BCKDHB: variants seen among roughly 807,000 people sequenced by gnomAD.
BCKDHB encodes the protein branched chain keto acid dehydrogenase E1 subunit beta, also known as 2-oxoisovalerate dehydrogenase subunit beta, mitochondrial.
In BCKDHB, 41 loss-of-function variants were observed where a neutral mutation model predicts 48.5. That is an observed-to-expected ratio of 0.85 (90% CI 0.66 to 1.10). The LOEUF (loss-of-function observed/expected upper bound fraction) is 1.10, where lower values mean the gene tolerates loss of function less well. Ranked by LOEUF, BCKDHB falls within the 50% of genes least tolerant of loss-of-function variation. The pLI, the probability that BCKDHB is intolerant of heterozygous loss-of-function variation, is 0.00. For synonymous variants in BCKDHB, 201 were observed against 174.8 expected (o/e 1.15, Z -1.18); for missense variants, 496 against 494.2 (o/e 1.00, Z -0.03).
At position 80,337,659 on chromosome 6, in the gene BCKDHB, A is replaced by G. The variant is rs73465593; in HGVS notation, c.1039-6005A>G. Among the ~76,000 whole-genome samples the G allele has an allele frequency of 7.8e-3, 1,193 of 152,044 alleles. 10 individuals are homozygous for G. The highest frequency in any genetic ancestry group is 0.028 in the African/African-American group (1,146 of 41,522). ...TAATTTAGTCCTGTCCAAATAAAAT[A>G]TATTCTCATAGTTAAGTGTGTTGTG... On this transcript the variant is annotated intron_variant, in intron 9 of 9. Coordinates refer to ENST00000320393, the MANE Select transcript of BCKDHB (RefSeq NM_183050.4).
intron 9 of BCKDHB, among the ~76,000 whole-genome samples, chr6:80,327,831 A>G (rs568922592): frequency 6.6e-6 from 1 of 151,830 alleles, no homozygotes; most frequent in African/African-American, 2.4e-5. Context: ...GTGTTTAATG[A>G]TTTCATAAGG....
the BCKDHB span, among the ~76,000 whole-genome samples, chr6:80,357,749 C>CT: frequency 6.6e-6 from 1 of 152,182 alleles, no homozygotes; most frequent in Non-Finnish European, 1.5e-5. Flanking sequence ...ATACACTGTA[C>CT]TTTATTTGCA....
chr6:80,154,730 A>G (rs1342212973), intron 3 of BCKDHB, among the ~76,000 whole-genome samples: 3 of 152,310 alleles, frequency 2.0e-5, no homozygotes, highest in African/African-American at 7.2e-5. Context: ...CTTCAAGAGC[A>G]TTTTAATTTT....
At chr6:80,169,060 T>A in intron 5 of BCKDHB, 30 bp downstream of exon 5, 1 of 1,607,216 alleles carries the variant, frequency 6.2e-7, no homozygotes, top group Non-Finnish European at 8.5e-7. Flanking sequence ...TTATTTGATT[T>A]CTATTTGATG....
intron 8 of BCKDHB, among the ~76,000 whole-genome samples, chr6:80,238,935 CT>C (rs1232267191): frequency 1.3e-5 from 2 of 152,118 alleles, no homozygotes; most frequent in African/African-American, 2.4e-5. Flanking sequence ...TGAACTCATC[CT>C]TTTTTATGGC....
At chr6:80,194,399 A>G (rs1774041633) in intron 6 of BCKDHB, among the ~76,000 whole-genome samples, 1 of 152,220 alleles carries the variant, frequency 6.6e-6, no homozygotes, top group South Asian at 2.1e-4. Flanking sequence ...ATACAATACT[A>G]TTAACTGCTC....
the BCKDHB span, among the ~76,000 whole-genome samples, chr6:80,352,557 C>T: frequency 1.3e-5 from 2 of 152,134 alleles, no homozygotes; most frequent in Non-Finnish European, 2.9e-5. Flanking sequence ...AGTTAGGTTT[C>T]TATTGCTTGC....
At chr6:80,409,631 T>TATATAA in the BCKDHB span, among the ~76,000 whole-genome samples, 6 of 111,430 alleles carry the variant, frequency 5.4e-5, no homozygotes, top group Admixed American at 1.0e-4. Flanking sequence ...TATATATATA[T>TATATAA]GATAGTTAGT....
intron 8 of BCKDHB, among the ~76,000 whole-genome samples, chr6:80,213,897 T>C (rs1183979460): frequency 6.6e-6 from 1 of 152,122 alleles, no homozygotes; most frequent in East Asian, 1.9e-4. Flanking sequence ...TAGTCTATCA[T>C]AGGAGCAGGA....
intron 1 of BCKDHB, among the ~76,000 whole-genome samples, chr6:80,122,923 A>G (rs1183357490): frequency 1.3e-5 from 2 of 151,852 alleles, no homozygotes; most frequent in African/African-American, 4.8e-5. Flanking sequence ...TCTCAACCAC[A>G]TAAGACAGAC....
At chr6:80,174,846 G>A (rs1209836210) in intron 6 of BCKDHB, among the ~76,000 whole-genome samples, 3 of 152,252 alleles carry the variant, frequency 2.0e-5, no homozygotes, top group East Asian at 1.9e-4. Context: ...AGTGTGAGGT[G>A]CAAACTTTGG....
chr6:80,201,437 C>T (rs534865393), intron 7 of BCKDHB, among the ~76,000 whole-genome samples: 22 of 152,196 alleles, frequency 1.4e-4, no homozygotes, highest in African/African-American at 5.1e-4. Flanking sequence ...GTACGGATTT[C>T]TGAGTGAAGG....
intron 9 of BCKDHB, among the ~76,000 whole-genome samples, chr6:80,329,711 G>C (rs1355687287): frequency 6.6e-6 from 1 of 152,078 alleles, no homozygotes; most frequent in African/African-American, 2.4e-5. Flanking sequence ...TGTACTTGCT[G>C]TGTGACCTGG....
intron 8 of BCKDHB, among the ~76,000 whole-genome samples, chr6:80,267,058 G>A (rs1407089791): frequency 6.6e-6 from 1 of 151,898 alleles, no homozygotes; most frequent in Admixed American, 6.6e-5. Context: ...TTTCTAAGCT[G>A]TTTATCTTTT....
the BCKDHB span, among the ~76,000 whole-genome samples, chr6:80,459,040 A>C: frequency 1.3e-5 from 2 of 152,216 alleles, no homozygotes; most frequent in Admixed American, 6.5e-5. Context: ...GGGAATGCAA[A>C]GTGGTGCAGC....
chr6:80,237,270 A>T (rs2127902613), intron 8 of BCKDHB, among the ~76,000 whole-genome samples: 1 of 152,344 alleles, frequency 6.6e-6, no homozygotes, highest in East Asian at 1.9e-4. Flanking sequence ...ATGCTTAGAT[A>T]GAGGCTGAAA....
At chr6:80,114,045 G>A (rs13437401) in intron 1 of BCKDHB, among the ~76,000 whole-genome samples, 2 of 152,120 alleles carry the variant, frequency 1.3e-5, no homozygotes, top group African/African-American at 2.4e-5. Flanking sequence ...CTGCCACGCA[G>A]AAAAGGGGCA....
At chr6:80,115,917 T>TACG (rs1554182381) in intron 1 of BCKDHB, among the ~76,000 whole-genome samples, 10 of 151,604 alleles carry the variant, frequency 6.6e-5, no homozygotes, top group Non-Finnish European at 1.3e-4. Flanking sequence ...TTCTAAGGAA[T>TACG]ATGAGGATGT....
intron 3 of BCKDHB, among the ~76,000 whole-genome samples, chr6:80,135,346 A>G (rs1011142135): frequency 6.6e-6 from 1 of 152,118 alleles, no homozygotes; most frequent in African/African-American, 2.4e-5. Context: ...GGGAAATTGA[A>G]TATGTAGAGG....
Sources: gnomAD v4.1 joint callset for allele counts (sites outside exome capture counted in the v4.1 genomes callset) on GRCh38, gnomAD v4.1.1 for gene constraint, MANE v1.5 for transcripts, NCBI Gene and HGNC (gene_info 2026-07-23, HGNC 2026-07-21) for gene names.